Variants in ABCC4 observed in about 807,000 individuals in gnomAD.
ABCC4 encodes ATP binding cassette subfamily C member 4 (PEL blood group).
Under a neutral mutation model 168.5 loss-of-function variants are expected in ABCC4, and 102 were observed. The observed-to-expected ratio is 0.61, with a 90% CI of 0.52 to 0.71. The LOEUF (loss-of-function observed/expected upper bound fraction) is 0.71. ABCC4 is among the 30% of genes least tolerant of loss of function. ABCC4 has a pLI of 0.00. For missense variants in ABCC4, 1,402 were observed against 1,605.8 expected, an observed-to-expected ratio of 0.87 and a Z score of 2.17; for synonymous variants, 617 against 590.7, an observed-to-expected ratio of 1.04 and a Z score of -0.65.
chr13:95,075,586 G>C (rs1395232030), intron 21 of ABCC4, 35 bp from the exon 22 acceptor site: 1 of 1,612,222 alleles, frequency 6.2e-7, no homozygotes, highest in East Asian at 2.2e-5. Context: ...GCTCAGTGAG[G>C]CTGGGTGCAG....
chr13:95,028,413 C>A (rs561000486), intron 30 of ABCC4, among the ~76,000 whole-genome samples: 45 of 152,052 alleles, frequency 3.0e-4, no homozygotes, highest in African/African-American at 1.1e-3. Flanking sequence ...GGATGACATG[C>A]AATGAAAATG....
chr13:95,067,817 A>T (rs2033599413), intron 25 of ABCC4, among the ~76,000 whole-genome samples: 1 of 152,234 alleles, frequency 6.6e-6, no homozygotes, highest in African/African-American at 2.4e-5. Context: ...GGAAAAAAAA[A>T]TAACAAACCA....
rs771626325 is a variant in ABCC4, at chr13:95,209,508, G to A, written c.711C>T (p.Cys237=). ...ALLWMEIGIS[C]LAGMAVLIIL... ...TGATTAGAACTGCCATCCCAGCAAG[G>A]CACGATATTCCTATCTCCATCCAGA... Residue 237 remains cysteine (C), a synonymous_variant, in exon 6 of 31, where the codon TGC becomes TGT. Transcript: ENST00000645237. 1.9e-6 allele frequency: 3 copies of A among 1,614,078 alleles called. No homozygotes were observed. In the African/African-American group the frequency reaches 4.0e-5, roughly 22 times the overall value.
intron 26 of ABCC4, among the ~76,000 whole-genome samples, chr13:95,054,194 A>G (rs71431499): frequency 0.098 from 14,840 of 151,922 alleles, 967 homozygotes; most frequent in Admixed American, 0.17. Context: ...ACAGAACCTC[A>G]TTATTAACTA....
intron 30 of ABCC4, among the ~76,000 whole-genome samples, chr13:95,029,239 GAGAGAGAGAGAGAGAA>G (rs1353961389): frequency 0.25 from 2,154 of 8,766 alleles, 119 homozygotes; most frequent in Non-Finnish European, 0.36. Context: ...GAGAGAGAGA[GAGAGAGAGAGAGAGAA>G]AGAGAGAGAG....
chr13:95,049,924 T>G (rs930601219), intron 27 of ABCC4, among the ~76,000 whole-genome samples: 5 of 152,216 alleles, frequency 3.3e-5, no homozygotes, highest in African/African-American at 1.2e-4. Context: ...GGTTCCCATT[T>G]CCAGTTTGGC....
intron 5 of ABCC4, 116 bp from the exon 6 acceptor site, chr13:95,209,713 A>C: frequency 9.6e-7 from 1 of 1,038,316 alleles, no homozygotes; most frequent in Non-Finnish European, 1.3e-6. Context: ...AGAAATGGCC[A>C]CAGTGGGTTT....
At chr13:95,048,856 C>T (rs1409479076) in intron 27 of ABCC4, among the ~76,000 whole-genome samples, 2 of 152,104 alleles carry the variant, frequency 1.3e-5, no homozygotes, top group African/African-American at 4.8e-5. Flanking sequence ...TTAGTTGTAC[C>T]TACTGTGTGA....
At chr13:95,085,371 T>C (rs2034223029) in intron 20 of ABCC4, among the ~76,000 whole-genome samples, 1 of 151,980 alleles carries the variant, frequency 6.6e-6, no homozygotes, top group Non-Finnish European at 1.5e-5. Context: ...ACCTGGGAGC[T>C]GGAGGTTGCA....
intron 19 of ABCC4, among the ~76,000 whole-genome samples, chr13:95,132,971 G>T (rs2036022384): frequency 6.6e-6 from 1 of 152,054 alleles, no homozygotes; most frequent in African/African-American, 2.4e-5. Context: ...TGGGAAGATG[G>T]ATAAGTTCAG....
chr13:95,133,660 G>GGT, intron 19 of ABCC4, among the ~76,000 whole-genome samples: 1 of 152,126 alleles, frequency 6.6e-6, no homozygotes, highest in Non-Finnish European at 1.5e-5. Context: ...CTCCAACAAA[G>GGT]GAGAACTCTC....
intron 25 of ABCC4, among the ~76,000 whole-genome samples, chr13:95,068,268 G>A (rs1594042268): frequency 1.3e-5 from 2 of 152,192 alleles, no homozygotes; most frequent in African/African-American, 2.4e-5. Flanking sequence ...AACTCACCAC[G>A]ATGTTGCCTG....
At chr13:95,084,637 G>T (rs1413572412) in intron 20 of ABCC4, among the ~76,000 whole-genome samples, 2 of 151,858 alleles carry the variant, frequency 1.3e-5, no homozygotes, top group Admixed American at 6.6e-5. Flanking sequence ...TGTCTAACAG[G>T]GTTTTTTTTT....
At chr13:95,257,736 T>C (rs1399526589) in intron 1 of ABCC4, among the ~76,000 whole-genome samples, 1 of 152,072 alleles carries the variant, frequency 6.6e-6, no homozygotes, top group African/African-American at 2.4e-5. Context: ...CAAACCCTTG[T>C]TGTTCAAGGG....
intron 1 of ABCC4, among the ~76,000 whole-genome samples, chr13:95,268,680 G>T (rs1219581308): frequency 6.6e-6 from 1 of 152,160 alleles, no homozygotes; most frequent in Admixed American, 6.5e-5. Flanking sequence ...GCACATCAAA[G>T]CACACAGCAC....
intron 26 of ABCC4, among the ~76,000 whole-genome samples, chr13:95,058,082 A>G (rs992011616): frequency 6.6e-5 from 10 of 152,232 alleles, no homozygotes; most frequent in African/African-American, 2.2e-4. Context: ...CACATAAGTG[A>G]ATACACTCTG....
chr13:95,224,474 C>T (rs2039398954), intron 4 of ABCC4, among the ~76,000 whole-genome samples: 2 of 152,078 alleles, frequency 1.3e-5, no homozygotes, highest in African/African-American at 2.4e-5. Flanking sequence ...TGGTGGCTCA[C>T]GCCTGTAATC....
At chr13:95,232,764 C>T (rs1353101827) in intron 4 of ABCC4, among the ~76,000 whole-genome samples, 1 of 152,072 alleles carries the variant, frequency 6.6e-6, no homozygotes, top group East Asian at 1.9e-4. Flanking sequence ...TTCTTTAGCT[C>T]TTGACACTAG....
At chr13:95,194,739 C>A in intron 9 of ABCC4, 97 bp downstream of exon 9, 2 of 880,918 alleles carry the variant, frequency 2.3e-6, no homozygotes, top group South Asian at 2.0e-5. Flanking sequence ...ATAAGCAAGC[C>A]ATATTTTATA....
Sources: gnomAD v4.1 joint callset for allele counts (sites outside exome capture counted in the v4.1 genomes callset) on GRCh38, gnomAD v4.1.1 for gene constraint, MANE v1.5 for transcripts, NCBI Gene and HGNC (gene_info 2026-07-23, HGNC 2026-07-21) for gene names.